CMIP: variants seen among roughly 807,000 people sequenced by gnomAD.
CMIP encodes the protein c-Maf inducing protein.
Under a neutral mutation model 97.3 loss-of-function variants are expected in CMIP, and 13 were observed. That is an observed-to-expected ratio of 0.13 (90% CI 0.09 to 0.21). The LOEUF is 0.21. CMIP is among the 10% of genes least tolerant of loss of function. CMIP has a pLI of 1.00. For synonymous variants in CMIP, 538 were observed against 436.3 expected, an observed-to-expected ratio of 1.23 and a Z score of -2.91; for missense variants, 847 against 1,024.9, an observed-to-expected ratio of 0.83 and a Z score of 2.37.
At chr16:81,476,165 T>C in intron 1 of CMIP, 1 of 1,159,202 alleles carries the variant, frequency 8.6e-7, no homozygotes, top group Non-Finnish European at 1.3e-6. Flanking sequence ...AACCACTCAG[T>C]CTTGGCAGTG....
At chr16:81,449,551 C>T (rs1002003839) in intron 1 of CMIP, among the ~76,000 whole-genome samples, 5 of 152,192 alleles carry the variant, frequency 3.3e-5, no homozygotes, top group African/African-American at 1.2e-4. Context: ...CTCATCTGTG[C>T]CCACATGCAC....
chr16:81,656,443 G>A (rs1302150163), intron 4 of CMIP, among the ~76,000 whole-genome samples: 2 of 152,168 alleles, frequency 1.3e-5, no homozygotes, highest in Non-Finnish European at 2.9e-5. Context: ...ATACGAATTG[G>A]CACCACTGTG....
At chr16:81,674,843 C>T (rs1390221892) in intron 9 of CMIP, among the ~76,000 whole-genome samples, 2 of 151,948 alleles carry the variant, frequency 1.3e-5, no homozygotes, top group Non-Finnish European at 2.9e-5. Flanking sequence ...GCCTCGGCTT[C>T]CCAAAGTACT....
Position 81,570,358 on chromosome 16 carries a change from G to A in CMIP, c.301-37209G>A, listed in dbSNP as rs531627211. Among the ~76,000 whole-genome samples the A allele has an allele frequency of 2.6e-5, 4 of 152,278 alleles. No individual in the cohort carries two copies. The South Asian group carries it at 6.2e-4, about 24-fold the overall frequency. ...TAGACTTCCGGGATGGCTGTCGTGG[G>A]GCCAGTGCTGTGCGGGGGAAGCACA... On this transcript the variant is annotated intron_variant, in intron 1 of 20. Coordinates refer to ENST00000537098, the MANE Select transcript of CMIP (RefSeq NM_198390.3).
intron 1 of CMIP, among the ~76,000 whole-genome samples, chr16:81,451,477 C>A (rs925519824): frequency 2.0e-5 from 3 of 152,164 alleles, no homozygotes; most frequent in African/African-American, 7.2e-5. Context: ...CACTCTTGTT[C>A]CTTGAAAGAA....
chr16:81,462,797 C>A (rs1180403025), intron 1 of CMIP, among the ~76,000 whole-genome samples: 1 of 152,192 alleles, frequency 6.6e-6, no homozygotes, highest in Admixed American at 6.5e-5. Flanking sequence ...GAGGGCTGTT[C>A]TGCTGGAATC....
chr16:81,466,914 G>A (rs1333716888), intron 1 of CMIP, among the ~76,000 whole-genome samples: 2 of 152,234 alleles, frequency 1.3e-5, no homozygotes, highest in Non-Finnish European at 2.9e-5. Context: ...CAGGAGTTAT[G>A]TGGCAGGGCT....
chr16:81,504,268 G>T (rs1282843007), intron 1 of CMIP, among the ~76,000 whole-genome samples: 1 of 152,050 alleles, frequency 6.6e-6, no homozygotes, highest in Admixed American at 6.6e-5. Context: ...AGAGGTTGCA[G>T]TGGGCTGAGA....
chr16:81,643,215 T>G (rs950330343), intron 3 of CMIP, among the ~76,000 whole-genome samples: 5 of 152,200 alleles, frequency 3.3e-5, no homozygotes, highest in African/African-American at 1.2e-4. Flanking sequence ...CTTAGAGGGC[T>G]CAAGGACATC....
At chr16:81,688,215 G>C (rs977622433) in intron 10 of CMIP, among the ~76,000 whole-genome samples, 1 of 147,630 alleles carries the variant, frequency 6.8e-6, no homozygotes, top group African/African-American at 2.5e-5. Context: ...TAGATGACTC[G>C]GAGTGGGTAA....
intron 7 of CMIP, among the ~76,000 whole-genome samples, chr16:81,668,371 C>G (rs1297917309): frequency 6.6e-6 from 1 of 152,148 alleles, no homozygotes; most frequent in Non-Finnish European, 1.5e-5. Context: ...TCACAGGCCC[C>G]TGTCCGGCCC....
chr16:81,621,073 C>A lies in CMIP; in HGVS notation c.477+147C>A. The A allele has an allele frequency of 2.3e-6, 2 of 879,210 alleles. No individual in the cohort carries two copies. Among genetic ancestry groups the A allele is most frequent in the Non-Finnish European group, 1.7e-6 (1 of 572,564 alleles). The allele number at this position is 879,210 out of a possible 1,614,324, so 54.5% of individuals were successfully genotyped here. A position where few individuals can be genotyped will look rare whatever the true frequency, so the allele number is the denominator to read the frequency against. ...GGAACTTTGTTCCCCTACCTAAGAG[C>A]CCCTGGCCCTTCGTCCTCTGCTGTT... On this transcript the variant is annotated intron_variant, in intron 3 of 20. Transcript: ENST00000537098. This position sits in a 1 kb window ranked among gnomAD's most constrained non-coding sequence, Gnocchi z 4.1.
chr16:81,692,598 G>A (rs1157859014), intron 11 of CMIP, among the ~76,000 whole-genome samples: 1 of 152,200 alleles, frequency 6.6e-6, no homozygotes, highest in Non-Finnish European at 1.5e-5. Context: ...CGCAGTAATT[G>A]CCCCATGTGC....
chr16:81,601,790 C>G (rs1298513678), intron 1 of CMIP, among the ~76,000 whole-genome samples: 2 of 152,184 alleles, frequency 1.3e-5, no homozygotes, highest in Non-Finnish European at 2.9e-5. Context: ...CTCCAATACC[C>G]TCTGGGCACC....
In CMIP at chr16:81,627,794, C is replaced by T. The variant is rs2092094648; in HGVS notation, c.477+6868C>T. Reference sequence around the variant, plus strand: ...GCGAGGGTCACAATCTCGCTTCCACCTCATGAGTGGCTGCGGCGCCTCGGG... The same window carrying T: ...GCGAGGGTCACAATCTCGCTTCCACTTCATGAGTGGCTGCGGCGCCTCGGG... On this transcript the variant is annotated intron_variant, in intron 3 of 20. Transcript: ENST00000537098. The surrounding 1 kb of genome is among the most constrained non-coding windows in gnomAD (Gnocchi z 4.6). Among the ~76,000 whole-genome samples the T allele has an allele frequency of 6.6e-6, 1 of 152,202 alleles. No individual in the cohort carries two copies. Among genetic ancestry groups the T allele is most frequent in the South Asian group, 2.1e-4 (1 of 4,834 alleles).
chr16:81,646,084 A>C (rs2092361285), intron 3 of CMIP, among the ~76,000 whole-genome samples: 1 of 147,098 alleles, frequency 6.8e-6, no homozygotes, highest in South Asian at 2.3e-4. Flanking sequence ...TATGGATGGT[A>C]GATGGGTGAT....
chr16:81,553,745 C>T (rs1567575546), intron 1 of CMIP, among the ~76,000 whole-genome samples: 1 of 152,118 alleles, frequency 6.6e-6, no homozygotes. Context: ...TTGCCAAAAG[C>T]TATAGGCAGC....
chr16:81,630,465 C>A (rs1049043894), intron 3 of CMIP: 9 of 152,304 alleles, frequency 5.9e-5, no homozygotes, highest in Non-Finnish European at 1.0e-4. Context: ...TGACAGTGTC[C>A]CCCGTCCTGC....
Position 81,537,310 on chromosome 16 carries a change from G to A in CMIP, c.301-70257G>A, listed in dbSNP as rs535424504. 4.6e-5 allele frequency among the ~76,000 whole-genome samples: 7 copies of A among 152,152 alleles called. No individual in the cohort carries two copies. In the South Asian group the frequency reaches 8.3e-4, roughly 18 times the overall value. ...GGCACTTTGGGAGGCCGAGGTGGGC[G>A]GATCACTTGAGGCCAGGAGTTCAAG... On this transcript the variant is annotated intron_variant, in intron 1 of 20. Transcript: ENST00000537098.
Sources: gnomAD v4.1 joint callset for allele counts (sites outside exome capture counted in the v4.1 genomes callset) on GRCh38, gnomAD v4.1.1 for gene constraint, Gnocchi (gnomAD v3.1) non-coding constraint, MANE v1.5 for transcripts, NCBI Gene and HGNC (gene_info 2026-07-23, HGNC 2026-07-21) for gene names.